Variants in GOLM2 observed in about 807,000 individuals in gnomAD.
The protein encoded by GOLM2 is golgi membrane protein 2, also known as protein GOLM2.
GOLM2 carries 26 observed loss-of-function variants against 55.9 expected under a neutral mutation model. The observed-to-expected ratio is 0.47, with a 90% confidence interval of 0.34 to 0.65. The LOEUF (loss-of-function observed/expected upper bound fraction) is 0.65, where lower values mean the gene tolerates loss of function less well. Ranked by LOEUF, GOLM2 falls within the 30% of genes least tolerant of loss-of-function variation. The pLI, the probability that GOLM2 is intolerant of heterozygous loss-of-function variation, is 0.01. For missense variants in GOLM2, 486 were observed against 531.8 expected, an observed-to-expected ratio of 0.91 and a Z score of 0.85; for synonymous variants, 165 against 194.6, an observed-to-expected ratio of 0.85 and a Z score of 1.27.
intron 6 of GOLM2, among the ~76,000 whole-genome samples, chr15:44,366,370 C>A (rs1445544536): frequency 6.6e-6 from 1 of 151,566 alleles, no homozygotes; most frequent in Non-Finnish European, 1.5e-5. Context: ...TAAAGAGAGG[C>A]CAGGCTCATA....
intron 9 of GOLM2, among the ~76,000 whole-genome samples, chr15:44,411,478 G>C (rs2079638097): frequency 6.6e-6 from 1 of 152,120 alleles, no homozygotes; most frequent in African/African-American, 2.4e-5. Flanking sequence ...TTGGGTAATA[G>C]TATGTGACCC....
chr15:44,363,205 A>G (rs1237988859), intron 6 of GOLM2, among the ~76,000 whole-genome samples: 1 of 152,208 alleles, frequency 6.6e-6, no homozygotes, highest in South Asian at 2.1e-4. Flanking sequence ...GATCTAGTTA[A>G]ACTAAAGAGC....
intron 6 of GOLM2, among the ~76,000 whole-genome samples, chr15:44,345,087 A>G (rs1290706900): frequency 6.6e-6 from 1 of 151,556 alleles, no homozygotes; most frequent in Non-Finnish European, 1.5e-5. Flanking sequence ...CTGGAATTAC[A>G]GGCGTGAGCC....
chr15:44,320,698 A>G (rs537550117), intron 1 of GOLM2, among the ~76,000 whole-genome samples: 4 of 152,354 alleles, frequency 2.6e-5, no homozygotes, highest in South Asian at 2.1e-4. Flanking sequence ...TGCTTCACCT[A>G]GAACATTTAT....
chr15:44,381,029 T>C, intron 8 of GOLM2, 53 bp downstream of exon 8: 1 of 1,115,536 alleles, frequency 9.0e-7, no homozygotes. Flanking sequence ...AAATGTAATA[T>C]GAATTAAGGT....
At chr15:44,395,859 T>A (rs1421643189) in intron 8 of GOLM2, among the ~76,000 whole-genome samples, 4 of 151,830 alleles carry the variant, frequency 2.6e-5, no homozygotes, top group African/African-American at 7.3e-5. Flanking sequence ...TAAAATAAAA[T>A]AAAAAATAAA....
At chr15:44,344,904 A>C (rs2079113605) in intron 6 of GOLM2, among the ~76,000 whole-genome samples, 1 of 148,448 alleles carries the variant, frequency 6.7e-6, no homozygotes, top group Non-Finnish European at 1.5e-5. Flanking sequence ...CAGCCTCCTG[A>C]GTAGCTGGGA....
intron 1 of GOLM2, among the ~76,000 whole-genome samples, chr15:44,318,438 G>A (rs75056084): frequency 0.03 from 4,502 of 152,314 alleles, 104 homozygotes; most frequent in East Asian, 0.1. Flanking sequence ...CTGGGTGTGC[G>A]TGGCTTACGC....
intron 6 of GOLM2, among the ~76,000 whole-genome samples, chr15:44,366,023 C>G (rs562256341): frequency 4.6e-5 from 7 of 152,134 alleles, no homozygotes; most frequent in Middle Eastern, 3.4e-3. Context: ...CTTGGCCGAG[C>G]GCGGTGGCTC....
chr15:44,403,696 C>T (rs1422041275), intron 9 of GOLM2, among the ~76,000 whole-genome samples: 1 of 152,052 alleles, frequency 6.6e-6, no homozygotes, highest in African/African-American at 2.4e-5. Context: ...CTAGAAAATA[C>T]ACTTTTCCAA....
chr15:44,328,783 GA>G lies in GOLM2; in HGVS notation c.484del (p.Ser162ValfsTer8). 6.3e-7 allele frequency: 1 copy of G among 1,590,900 alleles called. No individual in the cohort carries two copies. The highest frequency in any genetic ancestry group is 1.7e-5 in the Admixed American group (1 of 57,268). On this transcript the variant is annotated frameshift_variant, in exon 3 of 10. Transcript: ENST00000299957. LOFTEE classifies it high-confidence loss of function. ...NTYLVKRLEYESFQCGQQMKE... is the reference protein window; with the variant it reads ...NTYLVKRLEYXSFQCGQQMKE... The stretch of plus-strand genomic sequence containing the variant: ...TTACCTTGTGAAGAGGTTAGAATAT[GA>G]AAGGTAAGATGTTACATGCAACATA...
intron 2 of GOLM2, among the ~76,000 whole-genome samples, 158 bp from the exon 3 acceptor site, chr15:44,328,527 A>G (rs913083022): frequency 3.3e-5 from 5 of 152,156 alleles, no homozygotes; most frequent in Non-Finnish European, 7.4e-5. Flanking sequence ...TTACAAAAGG[A>G]TATTAAATGT....
chr15:44,351,801 A>G (rs2079167147), intron 6 of GOLM2, among the ~76,000 whole-genome samples: 1 of 152,136 alleles, frequency 6.6e-6, no homozygotes, highest in Non-Finnish European at 1.5e-5. Flanking sequence ...TCTGAAAAAG[A>G]AATCAGGAAC....
chr15:44,334,007 G>T (rs755908209), intron 4 of GOLM2, among the ~76,000 whole-genome samples: 31 of 152,118 alleles, frequency 2.0e-4, no homozygotes, highest in Non-Finnish European at 3.7e-4. Flanking sequence ...GAGGCACCAC[G>T]CCCGGCCGCT....
chr15:44,378,631 T>A (rs1211769671), intron 6 of GOLM2, among the ~76,000 whole-genome samples: 1 of 151,646 alleles, frequency 6.6e-6, no homozygotes, highest in East Asian at 1.9e-4. Flanking sequence ...AAAAGAAAAT[T>A]TGAGCAACTA....
intron 1 of GOLM2, among the ~76,000 whole-genome samples, chr15:44,306,515 C>T (rs1165005185): frequency 6.6e-6 from 1 of 152,110 alleles, no homozygotes; most frequent in East Asian, 1.9e-4. Context: ...TTTGCCTTCT[C>T]GTTATTCATG....
intron 1 of GOLM2, among the ~76,000 whole-genome samples, chr15:44,296,046 T>G (rs1450939002): frequency 6.6e-6 from 1 of 152,064 alleles, no homozygotes; most frequent in Non-Finnish European, 1.5e-5. Context: ...CTCTCTCTCT[T>G]TGTCTTTTAA....
intron 1 of GOLM2, among the ~76,000 whole-genome samples, chr15:44,314,976 A>G (rs1339196330): frequency 6.6e-6 from 1 of 152,230 alleles, no homozygotes; most frequent in African/African-American, 2.4e-5. Flanking sequence ...GTTATTATTA[A>G]TGCTATTCCA....
intron 1 of GOLM2, among the ~76,000 whole-genome samples, chr15:44,312,226 A>G (rs925729835): frequency 6.6e-6 from 1 of 152,222 alleles, no homozygotes; most frequent in African/African-American, 2.4e-5. Context: ...GCAGAAAATC[A>G]TATAACCAGA....
Sources: gnomAD v4.1 joint callset for allele counts (sites outside exome capture counted in the v4.1 genomes callset) on GRCh38, gnomAD v4.1.1 for gene constraint, MANE v1.5 for transcripts, NCBI Gene and HGNC (gene_info 2026-07-23, HGNC 2026-07-21) for gene names.